LRRC37B: variants seen among roughly 807,000 people sequenced by gnomAD.
LRRC37B encodes leucine rich repeat containing 37B, also known as leucine-rich repeat-containing protein 37B.
Under a neutral mutation model 98.3 loss-of-function variants are expected in LRRC37B, and 28 were observed. The ratio of observed to expected loss-of-function variants is 0.28; its 90% CI spans 0.21 to 0.39. LRRC37B has a LOEUF of 0.39. Among genes scored for constraint, LRRC37B ranks in the 10% least tolerant of loss-of-function variants. The pLI is 1.00. For missense variants in LRRC37B, 938 were observed against 1,182.7 expected (o/e 0.79, Z 3.03); for synonymous variants, 364 against 442.7 (o/e 0.82, Z 2.23).
intron 5 of LRRC37B, among the ~76,000 whole-genome samples, chr17:32,033,062 G>A (rs1911152827): frequency 6.6e-6 from 1 of 152,194 alleles, no homozygotes; most frequent in African/African-American, 2.4e-5. Context: ...TACTCAGGAG[G>A]CTGAGGCAGG....
chr17:32,039,218 C>T (rs1427855996), intron 7 of LRRC37B, among the ~76,000 whole-genome samples: 2 of 151,396 alleles, frequency 1.3e-5, no homozygotes, highest in African/African-American at 4.9e-5. Context: ...CTCAAGTGAT[C>T]CTCCGGCCTC....
At chr17:32,045,627 C>T (rs1911549744) in intron 7 of LRRC37B, 73 bp from the exon 11 acceptor site, 18 of 1,550,318 alleles carry the variant, frequency 1.2e-5, no homozygotes, top group East Asian at 2.2e-5. Flanking sequence ...CCTGTGGTAG[C>T]GTTGGCTGCC....
exon 12 of LRRC37B, chr17:32,053,321 G>A: frequency 6.2e-7 from 1 of 1,607,350 alleles, no homozygotes; most frequent in Non-Finnish European, 8.5e-7. Flanking sequence ...TCAATATCAG[G>A]AGCCTGAGCA....
At chr17:32,046,591 CTTTTT>C (rs1254799317) in intron 8 of LRRC37B, among the ~76,000 whole-genome samples, 1 of 133,658 alleles carries the variant, frequency 7.5e-6, no homozygotes, top group South Asian at 2.3e-4. Context: ...AAAACTTTTT[CTTTTT>C]TTCTTTTTTT....
chr17:32,053,161 T>C (rs1911805940), intron 11 of LRRC37B, 105 bp from the exon 15 acceptor site: 9 of 778,338 alleles, frequency 1.2e-5, no homozygotes, highest in Middle Eastern at 2.3e-4. Context: ...AAAAAAGTTA[T>C]CTCATCGGGT....
chr17:32,050,233 GGT>G (rs1230785740), intron 11 of LRRC37B, 126 bp downstream of exon 14: 8 of 690,918 alleles, frequency 1.2e-5, no homozygotes, highest in Non-Finnish European at 2.2e-5. Context: ...TTAAGGCTGA[GGT>G]GTGCTTTGTT....
intron 3 of LRRC37B, among the ~76,000 whole-genome samples, 179 bp from the exon 7 acceptor site, chr17:32,030,477 C>T (rs473715): frequency 0.074 from 10,018 of 136,246 alleles, 481 homozygotes; most frequent in Middle Eastern, 0.096. Context: ...AGTATGAAGG[C>T]GAGACTCTAG....
intron 2 of LRRC37B, among the ~76,000 whole-genome samples, chr17:32,026,693 T>C (rs754542381): frequency 1.3e-4 from 20 of 152,194 alleles, no homozygotes; most frequent in Non-Finnish European, 2.9e-4. Context: ...CTTTCCAGAA[T>C]GCTGGGATTA....
At chr17:32,029,268 G>A (rs1393763465) in intron 3 of LRRC37B, among the ~76,000 whole-genome samples, 6 of 152,160 alleles carry the variant, frequency 3.9e-5, no homozygotes, top group South Asian at 4.2e-4. Flanking sequence ...AAAGTGCTGG[G>A]ATTACAGGCA....
At chr17:32,027,178 T>C (rs551614157) in intron 2 of LRRC37B, among the ~76,000 whole-genome samples, 155 of 152,292 alleles carry the variant, frequency 1.0e-3, no homozygotes, top group Admixed American at 2.4e-3. Context: ...GCTTTTGTAA[T>C]AAGGTTTGGG....
At position 32,034,759 on chromosome 17, in the gene LRRC37B, T is replaced by C. The variant is rs185187589; in HGVS notation, c.2058-151T>C. 6.4e-5 allele frequency: 35 copies of C among 547,688 alleles called. No homozygotes were observed. In the East Asian group the frequency reaches 1.1e-3, roughly 17 times the overall value. The allele number at this position is 547,688 out of a possible 1,614,324, so 33.9% of individuals were successfully genotyped here. A position where few individuals can be genotyped will look rare whatever the true frequency, so the allele number is the denominator to read the frequency against. ...ACCTAGGTAGTTCCCAAAGGAATAGTGCTTTATGGAGTCTAATGGTGATTT... is the reference window on the plus strand; with the variant it reads ...ACCTAGGTAGTTCCCAAAGGAATAGCGCTTTATGGAGTCTAATGGTGATTT... On this transcript the variant is annotated intron_variant, in intron 5 of 11. Coordinates refer to ENST00000327564, the Ensembl canonical transcript of LRRC37B.
At chr17:32,007,571 G>A (rs1216308493), upstream of LRRC37B, among the ~76,000 whole-genome samples, 5 of 139,836 alleles carry the variant, frequency 3.6e-5, no homozygotes, top group African/African-American at 1.3e-4. This position sits in a 1 kb window ranked among gnomAD's most constrained non-coding sequence, Gnocchi z 4.1. Flanking sequence ...GGCCCTCCCC[G>A]TCAGCTTTCC....
intron 2 of LRRC37B, among the ~76,000 whole-genome samples, chr17:32,027,148 C>T (rs912577115): frequency 2.8e-4 from 42 of 152,130 alleles, no homozygotes; most frequent in African/African-American, 1.0e-3. Context: ...ACTTGCAGCC[C>T]TGACATGGTC....
In LRRC37B at chr17:32,013,216, G is replaced by A. The variant is rs1438670421; in HGVS notation, c.-190-4756G>A. 1.1e-4 allele frequency among the ~76,000 whole-genome samples: 16 copies of A among 152,080 alleles called. 2 individuals are homozygous for A. The highest frequency in any genetic ancestry group is 1.0e-3 in the Admixed American group (16 of 15,264). On this transcript the variant is annotated intron_variant, in intron 1 of 14. Transcript: ENST00000543378. ...GATGGGGTTTTGCCATGTTGCCCAGGCTGGTCTTGAATTCCTGGGCTCAAG... is the reference window on the plus strand; with the variant it reads ...GATGGGGTTTTGCCATGTTGCCCAGACTGGTCTTGAATTCCTGGGCTCAAG...
chr17:32,030,119 C>A (rs1911071837), intron 3 of LRRC37B, among the ~76,000 whole-genome samples: 1 of 151,818 alleles, frequency 6.6e-6, no homozygotes, highest in Non-Finnish European at 1.5e-5. Context: ...AATATAAAAC[C>A]AAAAATGAAT....
chr17:32,049,084 C>T lies in LRRC37B; in HGVS notation c.2465-18C>T. On this transcript the variant is annotated intron_variant, in intron 9 of 11. Coordinates refer to ENST00000327564, the Ensembl canonical transcript of LRRC37B. Reference sequence around the variant, plus strand: ...CCTGAGCCCAAAAGCTTCAATTACCCATTGCTCTCGTCCCCAGGTGATCAG... The same window carrying T: ...CCTGAGCCCAAAAGCTTCAATTACCTATTGCTCTCGTCCCCAGGTGATCAG... 3 of 1,613,642 alleles carry T rather than the reference C, an allele frequency of 1.9e-6. No homozygotes were observed.
At chr17:32,039,483 T>A (rs1213411167) in intron 7 of LRRC37B, among the ~76,000 whole-genome samples, 42 of 15,430 alleles carry the variant, frequency 2.7e-3, no homozygotes, top group African/African-American at 5.4e-3. Flanking sequence ...CCTAAAAATA[T>A]ATATATATAT....
chr17:32,027,049 T>A (rs1175229233), intron 2 of LRRC37B, among the ~76,000 whole-genome samples: 1 of 152,176 alleles, frequency 6.6e-6, no homozygotes, highest in Non-Finnish European at 1.5e-5. Context: ...TAAATTAAAT[T>A]AAATATAAAC....
chr17:32,046,081 A>G (rs1420997182), intron 8 of LRRC37B, among the ~76,000 whole-genome samples: 2 of 152,236 alleles, frequency 1.3e-5, no homozygotes, highest in African/African-American at 4.8e-5. Context: ...TAACATTAAC[A>G]TCCACACACT....
Sources: gnomAD v4.1 joint callset for allele counts (sites outside exome capture counted in the v4.1 genomes callset) on GRCh38, gnomAD v4.1.1 for gene constraint, Gnocchi (gnomAD v3.1) non-coding constraint, MANE v1.5 for transcripts, NCBI Gene and HGNC (gene_info 2026-07-23, HGNC 2026-07-21) for gene names.